Variants in PHACTR2 observed in about 807,000 individuals in gnomAD.
PHACTR2 encodes the protein chromosome 6 open reading frame 56.
Under a neutral mutation model 76.0 loss-of-function variants are expected in PHACTR2, and 30 were observed. That is an observed-to-expected ratio of 0.39 (90% confidence interval 0.30 to 0.54). The LOEUF (loss-of-function observed/expected upper bound fraction) is 0.54, where lower values mean the gene tolerates loss of function less well. Among genes scored for constraint, PHACTR2 ranks in the 20% least tolerant of loss-of-function variants. PHACTR2 has a pLI of 0.61. For synonymous variants in PHACTR2, 292 were observed against 292.5 expected (o/e 1.00, Z 0.02); for missense variants, 696 against 781.1 (o/e 0.89, Z 1.30).
Position 143,772,124 on chromosome 6 carries a change from C to T in PHACTR2, c.1233-134C>T. Reference sequence around the variant, plus strand: ...AAGGTTTCATTTCAGTGACTTTAGCCTGGCCTATGTCAAGTGTCTGCTTTC... The same window carrying T: ...AAGGTTTCATTTCAGTGACTTTAGCTTGGCCTATGTCAAGTGTCTGCTTTC... On this transcript the variant is annotated intron_variant, in intron 6 of 12. Transcript: ENST00000440869. This position sits in a 1 kb window ranked among gnomAD's most constrained non-coding sequence, Gnocchi z 5.4. 1.5e-6 allele frequency: 1 copy of T among 658,254 alleles called. No homozygotes were observed. The highest frequency in any genetic ancestry group is 2.7e-6 in the Non-Finnish European group (1 of 364,082). 40.8% of individuals were successfully genotyped at this position (658,254 alleles called of 1,614,324 possible).
At chr6:143,740,524 G>T (rs200904116) in intron 2 of PHACTR2, among the ~76,000 whole-genome samples, 1 of 63,138 alleles carries the variant, frequency 1.6e-5, no homozygotes, top group Non-Finnish European at 3.5e-5. Flanking sequence ...AAAAAAAAAA[G>T]GAAAAAATAA....
chr6:143,773,106 G>A (rs1053607244), intron 7 of PHACTR2, among the ~76,000 whole-genome samples: 20 of 152,118 alleles, frequency 1.3e-4, no homozygotes, highest in Non-Finnish European at 2.1e-4. Context: ...CCAGCTGCTC[G>A]GGAGGCTGAG....
chr6:143,668,191 A>G (rs1331541500), intron 1 of PHACTR2, among the ~76,000 whole-genome samples: 2 of 152,158 alleles, frequency 1.3e-5, no homozygotes, highest in Non-Finnish European at 2.9e-5. Context: ...TGATTTGCGT[A>G]TGTTGAACCA....
Position 143,598,814 on chromosome 6 carries a change from C to A in PHACTR2, c.217+61607C>A, listed in dbSNP as rs1477429875. On this transcript the variant is annotated intron_variant, in intron 1 of 11. Coordinates refer to the PHACTR2 transcript ENST00000367584. The surrounding 1 kb of genome is among the most constrained non-coding windows in gnomAD (Gnocchi z 4.1). ...GACCCCCTTAGAGGAATCACTAGAC[C>A]TCATGTCTCAAAGACTAGCTAAGTG... is the stretch of plus-strand genomic sequence containing the variant. 3.3e-5 allele frequency among the ~76,000 whole-genome samples: 5 copies of A among 152,132 alleles called. No homozygotes were observed. Among genetic ancestry groups the A allele is most frequent in the Non-Finnish European group, 7.3e-5 (5 of 68,028 alleles).
At chr6:143,655,245 T>C (rs1776830460) in intron 1 of PHACTR2, among the ~76,000 whole-genome samples, 2 of 151,974 alleles carry the variant, frequency 1.3e-5, no homozygotes, top group Admixed American at 1.3e-4. Context: ...ATTCTATTTA[T>C]ATGAAATGTC....
rs1270446203 is a variant in PHACTR2, at chr6:143,547,095, T to G, written c.217+9888T>G. The stretch of plus-strand genomic sequence containing the variant: ...GTGTTATAGAATTTATGTCTTCAAA[T>G]GAGTGTTATCTTTTAGAGTTGTCAT... On this transcript the variant is annotated intron_variant, in intron 1 of 11. Coordinates refer to the PHACTR2 transcript ENST00000367584. This position sits in a 1 kb window ranked among gnomAD's most constrained non-coding sequence, Gnocchi z 4.2. Among the ~76,000 whole-genome samples the G allele has an allele frequency of 1.3e-5, 2 of 152,034 alleles. No homozygotes were observed. The highest frequency in any genetic ancestry group is 2.9e-5 in the Non-Finnish European group (2 of 68,000).
chr6:143,614,600 T>TCATGTACATGAAATTCCATTGCA (rs1776032668), intron 1 of PHACTR2, among the ~76,000 whole-genome samples: 1 of 152,212 alleles, frequency 6.6e-6, no homozygotes, highest in South Asian at 2.1e-4. Flanking sequence ...TATGTACATT[T>TCATGTACATGAAATTCCATTGCA]CATGTACATG....
rs576942068 is a variant in PHACTR2, at chr6:143,624,491, A to T, written c.13+16169A>T. Among the ~76,000 whole-genome samples the T allele has an allele frequency of 6.6e-6, 1 of 152,342 alleles. No individual in the cohort carries two copies. Among genetic ancestry groups the T allele is most frequent in the South Asian group, 2.1e-4 (1 of 4,826 alleles). On this transcript the variant is annotated intron_variant, in intron 1 of 11. Coordinates refer to the PHACTR2 transcript ENST00000305766. This position sits in a 1 kb window ranked among gnomAD's most constrained non-coding sequence, Gnocchi z 4.6. ...AATATCACCACAACATGGACATTTC[A>T]ACTAGATTTTCTTCCACCTTCCTAA...
At chr6:143,790,909 C>G (rs887293986) in intron 11 of PHACTR2, among the ~76,000 whole-genome samples, 1 of 152,260 alleles carries the variant, frequency 6.6e-6, no homozygotes, top group South Asian at 2.1e-4. Context: ...CATCTCCTGA[C>G]ATTGTGATCT....
In PHACTR2 at chr6:143,827,175, T is replaced by C. The variant is rs867217138; in HGVS notation, c.*3486T>C. On this transcript the variant is annotated 3_prime_UTR_variant, in exon 13 of 13. Transcript: ENST00000440869. Reference sequence around the variant, plus strand: ...AAGAAAATATATATATATATATATATATATATATATATATATATATATATG... The same window carrying C: ...AAGAAAATATATATATATATATATACATATATATATATATATATATATATG... 1.6e-5 allele frequency: 2 copies of C among 124,766 alleles called. No individual in the cohort carries two copies. The highest frequency in any genetic ancestry group is 3.1e-5 in the African/African-American group (1 of 32,156). The allele number at this position is 124,766 out of a possible 1,614,324, so 7.7% of individuals were successfully genotyped here.
chr6:143,592,800 CA>C lies in PHACTR2; in HGVS notation c.217+55594del, dbSNP rs1320906867. On this transcript the variant is annotated intron_variant, in intron 1 of 11. Transcript: ENST00000367584. The surrounding 1 kb of genome is among the most constrained non-coding windows in gnomAD (Gnocchi z 4.0). ...CGGTGGCTCAAGCCTGTAATCCCAGCACTTTGGGAGGCCAAGGCGAGCAGAT... is the reference window on the plus strand; with the variant it reads ...CGGTGGCTCAAGCCTGTAATCCCAGCCTTTGGGAGGCCAAGGCGAGCAGAT... Among the ~76,000 whole-genome samples the C allele has an allele frequency of 6.6e-6, 1 of 152,034 alleles. No individual in the cohort carries two copies. The highest frequency in any genetic ancestry group is 1.5e-5 in the Non-Finnish European group (1 of 68,022).
intron 6 of PHACTR2, among the ~76,000 whole-genome samples, chr6:143,771,529 C>G (rs575781935): frequency 6.6e-6 from 1 of 151,712 alleles, no homozygotes; most frequent in South Asian, 2.1e-4. Context: ...CTCCACCTCC[C>G]GGGTTCAAGC....
At position 143,818,435 on chromosome 6, in the gene PHACTR2, GT is replaced by G. The variant is rs1481454247; in HGVS notation, c.1923-5235del. ...ATAGGAGTACTTTCATCGTAAGATT[GT>G]TTTGGGGATTAAATGAGGAAATAGA... On this transcript the variant is annotated intron_variant, in intron 12 of 12. Coordinates refer to ENST00000440869, the MANE Select transcript of PHACTR2 (RefSeq NM_001100164.2). The surrounding 1 kb of genome is among the most constrained non-coding windows in gnomAD (Gnocchi z 4.9). 2.6e-5 allele frequency among the ~76,000 whole-genome samples: 4 copies of G among 152,194 alleles called. No individual in the cohort carries two copies. The highest frequency in any genetic ancestry group is 6.5e-5 in the Admixed American group (1 of 15,278).
chr6:143,690,405 C>T (rs1487855558), intron 1 of PHACTR2, among the ~76,000 whole-genome samples: 2 of 152,008 alleles, frequency 1.3e-5, no homozygotes, highest in Non-Finnish European at 2.9e-5. Flanking sequence ...GGATCCCATG[C>T]CCCCTTTTTT....
At chr6:143,620,765 G>A (rs1354793188) in intron 1 of PHACTR2, among the ~76,000 whole-genome samples, 1 of 152,196 alleles carries the variant, frequency 6.6e-6, no homozygotes, top group African/African-American at 2.4e-5. Flanking sequence ...CTTTTATGCA[G>A]GGGGAAAGCC....
rs549658071 is a variant in PHACTR2 at position 143,684,105 on chromosome 6, G to A, written c.46+5896G>A. Reference sequence around the variant, plus strand: ...TCCTGGGTTCTTTGCATATGTATATGCTCTTATGAACAATACTGAAATGAA... The same window carrying A: ...TCCTGGGTTCTTTGCATATGTATATACTCTTATGAACAATACTGAAATGAA... On this transcript the variant is annotated intron_variant, in intron 1 of 12. Transcript: ENST00000440869. This position sits in a 1 kb window ranked among gnomAD's most constrained non-coding sequence, Gnocchi z 4.3. Among the ~76,000 whole-genome samples the A allele has an allele frequency of 2.0e-5, 3 of 152,134 alleles. No individual in the cohort carries two copies. The highest frequency in any genetic ancestry group is 7.2e-5 in the African/African-American group (3 of 41,480).
intron 1 of PHACTR2, among the ~76,000 whole-genome samples, chr6:143,628,770 G>A (rs1330434865): frequency 2.6e-5 from 4 of 151,560 alleles, no homozygotes; most frequent in Non-Finnish European, 5.9e-5. Context: ...GGGGGAAGAG[G>A]GAGATCATTG....
Position 143,806,843 on chromosome 6 carries a change from G to A in PHACTR2, c.1846-214G>A, listed in dbSNP as rs1156234775. On this transcript the variant is annotated intron_variant, in intron 11 of 12. Transcript: ENST00000440869. This position sits in a 1 kb window ranked among gnomAD's most constrained non-coding sequence, Gnocchi z 5.8. ...ATGGTGGCGCACACCTGTAATCCGA[G>A]CTACTGGGAATGCTGAGTTGGGAGG... is the stretch of plus-strand genomic sequence containing the variant. Among the ~76,000 whole-genome samples the A allele has an allele frequency of 6.6e-6, 1 of 151,892 alleles. No individual in the cohort carries two copies. Among genetic ancestry groups the A allele is most frequent in the Non-Finnish European group, 1.5e-5 (1 of 67,996 alleles).
At chr6:143,771,190 GTGTGTATATATATATATA>G (rs1775115275) in intron 6 of PHACTR2, among the ~76,000 whole-genome samples, 1 of 22,452 alleles carries the variant, frequency 4.5e-5, no homozygotes, top group African/African-American at 2.5e-4. Context: ...ATATATATAT[GTGTGTATATATATATATA>G]TATATATATA....
Sources: allele counts gnomAD v4.1 joint callset (sites outside exome capture counted in the v4.1 genomes callset), GRCh38; gene constraint gnomAD v4.1.1; non-coding constraint Gnocchi (gnomAD v3.1); transcripts MANE v1.5; gene names NCBI Gene and HGNC (gene_info 2026-07-23, HGNC 2026-07-21).